MYO9B: variants seen among roughly 807,000 people sequenced by gnomAD.
MYO9B encodes the protein unconventional myosin-IXb.
A neutral mutation model predicts 229.5 loss-of-function variants in MYO9B; 71 were observed. That is an observed-to-expected ratio of 0.31 (90% CI 0.26 to 0.38). The LOEUF (loss-of-function observed/expected upper bound fraction) is 0.38, where lower values mean the gene tolerates loss of function less well. Ranked by LOEUF, MYO9B falls within the 10% of genes least tolerant of loss-of-function variation. The pLI, the probability that MYO9B is intolerant of heterozygous loss-of-function variation, is 1.00. For missense variants in MYO9B, 2,255 were observed against 2,920.5 expected, an observed-to-expected ratio of 0.77 and a Z score of 5.25; for synonymous variants, 1,185 against 1,235.8, an observed-to-expected ratio of 0.96 and a Z score of 0.86.
intron 29 of MYO9B, 35 bp downstream of exon 29, chr19:17,202,918 G>A (rs1415089742): frequency 5.0e-6 from 8 of 1,585,848 alleles, no homozygotes; most frequent in Non-Finnish European, 6.9e-6. Flanking sequence ...AGTCCGAGCA[G>A]GCGAACATTG....
chr19:17,099,152 GT>G (rs1189154332), intron 1 of MYO9B: 1 of 151,596 alleles, frequency 6.6e-6, no homozygotes, highest in African/African-American at 2.4e-5. Context: ...GTGGGCGCCT[GT>G]AGTCCCAGCT....
Position 17,152,713 on chromosome 19 carries a change from G to A in MYO9B, c.998+7G>A, listed in dbSNP as rs1283658191. Reference sequence around the variant, plus strand: ...CTCAGGAGAAGGATGAGAGGTAGGAGAATGTTTTCCCAGGAATCTCTGAAT... The same window carrying A: ...CTCAGGAGAAGGATGAGAGGTAGGAAAATGTTTTCCCAGGAATCTCTGAAT... On this transcript the variant is annotated splice_region_variant and intron_variant, in intron 4 of 39. Coordinates refer to ENST00000682292, the MANE Select transcript of MYO9B (RefSeq NM_004145.4). The A allele has an allele frequency of 6.2e-7, 1 of 1,610,386 alleles. No individual in the cohort carries two copies. Among genetic ancestry groups the A allele is most frequent in the Non-Finnish European group, 8.5e-7 (1 of 1,177,844 alleles).
At chr19:17,211,541 T>C (rs1353967749) in intron 38 of MYO9B, 106 bp from the exon 39 acceptor site, 6 of 1,094,704 alleles carry the variant, frequency 5.5e-6, no homozygotes, top group Admixed American at 5.8e-5. Context: ...GGGGGGAGGT[T>C]GGGGACACAG....
intron 17 of MYO9B, 67 bp downstream of exon 17, chr19:17,185,054 A>C: frequency 6.2e-7 from 1 of 1,604,762 alleles, no homozygotes; most frequent in Non-Finnish European, 8.5e-7. Flanking sequence ...GCTTCACCCG[A>C]CACCGAGCAC....
At chr19:17,131,141 G>T (rs2145171719) in intron 2 of MYO9B, among the ~76,000 whole-genome samples, 1 of 152,260 alleles carries the variant, frequency 6.6e-6, no homozygotes, top group Non-Finnish European at 1.5e-5. Flanking sequence ...CCCCCACCCT[G>T]CTCCTTGGTT....
At chr19:17,092,201 T>G (rs1216222991) in intron 1 of MYO9B, among the ~76,000 whole-genome samples, 1 of 152,180 alleles carries the variant, frequency 6.6e-6, no homozygotes, top group Non-Finnish European at 1.5e-5. Flanking sequence ...AAGGAGGAAG[T>G]AGGCATATCC....
chr19:17,146,431 G>A lies in MYO9B; in HGVS notation c.935+940G>A, dbSNP rs191190694. 1.9e-3 allele frequency among the ~76,000 whole-genome samples: 290 copies of A among 151,782 alleles called. 1 individual carries two copies. Among genetic ancestry groups the A allele is most frequent in the African/African-American group, 6.2e-3 (256 of 41,376 alleles). ...GGTGGGTGGATGGATTTATGGGTGA[G>A]TGGATTCACAGGTGGCTGGATAGAT... On this transcript the variant is annotated intron_variant, in intron 3 of 39. Transcript: ENST00000682292.
chr19:17,191,130 A>G lies in MYO9B; in HGVS notation c.2722A>G (p.Lys908Glu). The G allele has an allele frequency of 6.2e-7, 1 of 1,612,802 alleles. No individual in the cohort carries two copies. Among genetic ancestry groups the G allele is most frequent in the Non-Finnish European group, 8.5e-7 (1 of 1,179,356 alleles). The change falls in exon 20 of 40, where the codon AAG (lysine) becomes GAG (glutamate). Residue 908 changes from lysine (K) to glutamate (E), a missense_variant. Physicochemically the swap from Lys to Glu is moderately conservative, Grantham distance 56. Around this residue, in one of 7 missense-constraint regions of MYO9B, gnomAD observed 679 missense variants for 770.2 expected, o/e 0.88. Coordinates refer to ENST00000682292, the MANE Select transcript of MYO9B (RefSeq NM_004145.4). Reference sequence around the variant, plus strand: ...CGAGCAGTTCCAGGTGCTCCTGCCCAAGGATGCCCAGCCCTGCAGGGAGGT... The same window carrying G: ...CGAGCAGTTCCAGGTGCTCCTGCCCGAGGATGCCCAGCCCTGCAGGGAGGT... ...FTEQFQVLLPKDAQPCREVIS... is the reference protein window; with the variant it reads ...FTEQFQVLLPEDAQPCREVIS...
intron 2 of MYO9B, among the ~76,000 whole-genome samples, chr19:17,117,483 G>A (rs1052396358): frequency 1.4e-4 from 21 of 152,284 alleles, no homozygotes; most frequent in African/African-American, 4.8e-4. Flanking sequence ...ACCCCGACAC[G>A]TGGTTCCTCC....
At chr19:17,141,546 C>A (rs533246423) in intron 2 of MYO9B, among the ~76,000 whole-genome samples, 3 of 149,462 alleles carry the variant, frequency 2.0e-5, no homozygotes, top group African/African-American at 7.6e-5. Context: ...CAGCCCGCAT[C>A]CTGCTGGCCT....
chr19:17,154,569 G>A (rs1240392385), intron 6 of MYO9B, among the ~76,000 whole-genome samples, 154 bp downstream of exon 6: 2 of 152,188 alleles, frequency 1.3e-5, no homozygotes, highest in Admixed American at 6.5e-5. Flanking sequence ...CCCAATAGCA[G>A]CGATCACATG....
chr19:17,211,889 CA>C lies in MYO9B; in HGVS notation c.6059-2del. ...TGCAGTAACCCTGCCATCTGTCTCT[CA>C]AAAGGGCCCCCTGCGCCTGCTCTCC... On this transcript the variant is annotated splice_polypyrimidine_tract_variant and splice_region_variant and intron_variant, in intron 39 of 39. Transcript: ENST00000682292. 6.3e-7 allele frequency: 1 copy of C among 1,584,914 alleles called. No homozygotes were observed. Among genetic ancestry groups the C allele is most frequent in the Non-Finnish European group, 8.6e-7 (1 of 1,163,370 alleles).
chr19:17,126,075 T>A (rs2058015007), intron 2 of MYO9B, among the ~76,000 whole-genome samples: 1 of 152,124 alleles, frequency 6.6e-6, no homozygotes, highest in South Asian at 2.1e-4. Context: ...GCTGGCATCA[T>A]CCCCGACATG....
chr19:17,094,795 A>G (rs999263192), intron 1 of MYO9B, among the ~76,000 whole-genome samples: 36 of 151,944 alleles, frequency 2.4e-4, no homozygotes, highest in African/African-American at 8.0e-4. Context: ...TACAAAAATT[A>G]GGCAGGCGTG....
At chr19:17,209,868 C>T (rs987087035) in intron 36 of MYO9B, among the ~76,000 whole-genome samples, 159 bp downstream of exon 36, 1 of 151,954 alleles carries the variant, frequency 6.6e-6, no homozygotes, top group African/African-American at 2.4e-5. Context: ...GAGGATGGGA[C>T]CGGGTAGTGG....
intron 13 of MYO9B, among the ~76,000 whole-genome samples, chr19:17,174,092 G>A (rs1018640295): frequency 7.0e-6 from 1 of 143,056 alleles, no homozygotes; most frequent in African/African-American, 2.6e-5. Context: ...GTGCAGTGGC[G>A]CGATCTCGGC....
chr19:17,160,511 T>TTTC (rs1491516330), intron 8 of MYO9B, among the ~76,000 whole-genome samples: 113 of 38,358 alleles, frequency 2.9e-3, no homozygotes, highest in Non-Finnish European at 4.0e-3. Context: ...CTTTTTTTTC[T>TTTC]TTTTTTTTTT....
chr19:17,173,313 T>TA (rs59973347), intron 13 of MYO9B, among the ~76,000 whole-genome samples: 75,848 of 125,342 alleles, frequency 0.61, 24,658 homozygotes, highest in African/African-American at 0.78. Flanking sequence ...TTTTTTTTTT[T>TA]AGAGACAGGG....
At position 17,212,872 on chromosome 19, in the gene MYO9B, T is replaced by C. The variant is rs564807493; in HGVS notation, c.*562T>C. 1.3e-5 allele frequency: 2 copies of C among 152,394 alleles called. No individual in the cohort carries two copies. Among genetic ancestry groups the C allele is most frequent in the East Asian group, 3.9e-4 (2 of 5,160 alleles). 9.4% of individuals were successfully genotyped at this position (152,394 alleles called of 1,614,324 possible). On this transcript the variant is annotated 3_prime_UTR_variant, in exon 40 of 40. Coordinates refer to ENST00000682292, the MANE Select transcript of MYO9B (RefSeq NM_004145.4). This position sits in a 1 kb window ranked among gnomAD's most constrained non-coding sequence, Gnocchi z 5.4. ...GACCCGTGCCTCTCTGACACATGTC[T>C]CCGGGGGGCAGCCACCTGGCCAATG...
Sources: gnomAD v4.1 joint callset for allele counts (sites outside exome capture counted in the v4.1 genomes callset) on GRCh38, gnomAD v4.1.1 for gene constraint, gnomAD v4.1.1 regional missense constraint, Gnocchi (gnomAD v3.1) non-coding constraint, MANE v1.5 for transcripts, NCBI Gene and HGNC (gene_info 2026-07-23, HGNC 2026-07-21) for gene names.